Variants in KIRREL3 observed in about 807,000 individuals in gnomAD.
KIRREL3 encodes kin of IRRE-like protein 3.
KIRREL3 carries 36 observed loss-of-function variants against 89.7 expected under a neutral mutation model. That is an observed-to-expected ratio of 0.40 (90% CI 0.31 to 0.53). The LOEUF (loss-of-function observed/expected upper bound fraction) is 0.53, where lower values mean the gene tolerates loss of function less well. Among genes scored for constraint, KIRREL3 ranks in the 20% least tolerant of loss-of-function variants. KIRREL3 has a pLI of 0.49. For synonymous variants in KIRREL3, 445 were observed against 441.4 expected (o/e 1.01, Z -0.10); for missense variants, 864 against 1,056.6 (o/e 0.82, Z 2.53).
chr11:126,439,996 A>G (rs1037987610), intron 11 of KIRREL3, among the ~76,000 whole-genome samples: 1 of 152,084 alleles, frequency 6.6e-6, no homozygotes, highest in Non-Finnish European at 1.5e-5. Context: ...ATTGATAGGC[A>G]ACAGGGCAGG....
rs562520694 is a variant in KIRREL3 at position 126,989,895 on chromosome 11, C to T, written c.55+10560G>A. Reference sequence around the variant, plus strand: ...TGTTGTTGGAAATTAGTAATACCATCCAGAGGTGAAAACAGAGTAGCACCT... The same window carrying T: ...TGTTGTTGGAAATTAGTAATACCATTCAGAGGTGAAAACAGAGTAGCACCT... On this transcript the variant is annotated intron_variant, in intron 1 of 16. Transcript: ENST00000525144. The surrounding 1 kb of genome is among the most constrained non-coding windows in gnomAD (Gnocchi z 6.2). 1.3e-5 allele frequency among the ~76,000 whole-genome samples: 2 copies of T among 152,302 alleles called. No individual in the cohort carries two copies. The highest frequency in any genetic ancestry group is 1.3e-4 in the Admixed American group (2 of 15,302).
At chr11:126,603,652 C>G (rs1040784946) in intron 1 of KIRREL3, among the ~76,000 whole-genome samples, 3 of 152,268 alleles carry the variant, frequency 2.0e-5, no homozygotes, top group African/African-American at 7.2e-5. Flanking sequence ...GTGCCCAGCG[C>G]TGCTGCATCT....
At chr11:126,849,078 T>G (rs1337081901) in intron 1 of KIRREL3, among the ~76,000 whole-genome samples, 3 of 152,150 alleles carry the variant, frequency 2.0e-5, no homozygotes, top group African/African-American at 7.2e-5. Context: ...GCATTCTTAA[T>G]CACAGAGTGA....
intron 16 of KIRREL3, among the ~76,000 whole-genome samples, 188 bp downstream of exon 16, chr11:126,425,450 T>C (rs567610681): frequency 2.0e-5 from 3 of 152,318 alleles, no homozygotes; most frequent in African/African-American, 7.2e-5. Flanking sequence ...CTTAGCTCTC[T>C]CAGCCTCCTC....
chr11:126,786,426 G>A (rs978287265), intron 1 of KIRREL3, among the ~76,000 whole-genome samples: 1 of 151,950 alleles, frequency 6.6e-6, no homozygotes, highest in African/African-American at 2.4e-5. Context: ...TTTTAAATGT[G>A]TTAATTCCTG....
chr11:126,972,593 C>T (rs570575084), intron 1 of KIRREL3, among the ~76,000 whole-genome samples: 6 of 152,302 alleles, frequency 3.9e-5, no homozygotes, highest in African/African-American at 9.6e-5. Context: ...ATTCTGACCA[C>T]GGTCTGGGAT....
At position 126,795,527 on chromosome 11, in the gene KIRREL3, A is replaced by C. The variant is rs1369395381; in HGVS notation, c.55+204928T>G. On this transcript the variant is annotated intron_variant, in intron 1 of 16. Transcript: ENST00000525144. This position sits in a 1 kb window ranked among gnomAD's most constrained non-coding sequence, Gnocchi z 4.1. Reference sequence around the variant, plus strand: ...TAGGACTACAGGCGTGTGCCACCACACCTGGCTAATTTTTTTAAAATATAT... The same window carrying C: ...TAGGACTACAGGCGTGTGCCACCACCCCTGGCTAATTTTTTTAAAATATAT... Among the ~76,000 whole-genome samples the C allele has an allele frequency of 1.3e-5, 2 of 151,944 alleles. No homozygotes were observed. The highest frequency in any genetic ancestry group is 3.9e-4 in the East Asian group (2 of 5,164).
In KIRREL3 at chr11:126,611,201, A is replaced by G. The variant is rs895930917; in HGVS notation, c.56-48289T>C. On this transcript the variant is annotated intron_variant, in intron 1 of 16. Transcript: ENST00000525144. This position sits in a 1 kb window ranked among gnomAD's most constrained non-coding sequence, Gnocchi z 4.7. Reference sequence around the variant, plus strand: ...AGAAAAAGGATCGTGGGGAAATGAAACGAGAGAATACATGTAACGTTCTTG... The same window carrying G: ...AGAAAAAGGATCGTGGGGAAATGAAGCGAGAGAATACATGTAACGTTCTTG... Among the ~76,000 whole-genome samples, 8 of 152,188 alleles carry G rather than the reference A, an allele frequency of 5.3e-5. No homozygotes were observed. The highest frequency in any genetic ancestry group is 1.9e-4 in the African/African-American group (8 of 41,456).
In KIRREL3 at chr11:126,761,756, T is replaced by C. The variant is rs1949671665; in HGVS notation, c.56-198844A>G. On this transcript the variant is annotated intron_variant, in intron 1 of 16. Transcript: ENST00000525144. The surrounding 1 kb of genome is among the most constrained non-coding windows in gnomAD (Gnocchi z 4.4). ...GCCCCTGGGGGCTAGAGAAGAGTTA[T>C]GAGCTGCACTAGTTTGTCTTGGTTT... is the stretch of plus-strand genomic sequence containing the variant. 6.6e-6 allele frequency among the ~76,000 whole-genome samples: 1 copy of C among 152,246 alleles called. No homozygotes were observed. Among genetic ancestry groups the C allele is most frequent in the South Asian group, 2.1e-4 (1 of 4,830 alleles).
intron 1 of KIRREL3, among the ~76,000 whole-genome samples, chr11:126,649,777 T>C (rs1944837511): frequency 6.6e-6 from 1 of 152,176 alleles, no homozygotes; most frequent in East Asian, 1.9e-4. Context: ...TTCTGGGATC[T>C]GGAGGGCGAT....
chr11:126,690,396 T>C, intron 1 of KIRREL3, among the ~76,000 whole-genome samples: 1 of 151,026 alleles, frequency 6.6e-6, no homozygotes, highest in South Asian at 2.1e-4. Flanking sequence ...TTCAGAGCAG[T>C]TTTAGGGCAA....
rs200167388 is a variant in KIRREL3, at chr11:126,509,011, G to C, written c.433+12304C>G. 1.7e-4 allele frequency among the ~76,000 whole-genome samples: 26 copies of C among 152,284 alleles called. No homozygotes were observed. In the East Asian group the frequency reaches 4.2e-3, roughly 25 times the overall value. On this transcript the variant is annotated intron_variant, in intron 4 of 16. Transcript: ENST00000525144. ...TCCCTGCCTAGTGGGGCACATGCAG[G>C]GTGCAGCTCCCGGAGTCTGGGACCA... is the stretch of plus-strand genomic sequence containing the variant.
rs1307352977 is a variant in KIRREL3, at chr11:126,954,529, C to G, written c.55+45926G>C. On this transcript the variant is annotated intron_variant, in intron 1 of 16. Coordinates refer to ENST00000525144, the MANE Select transcript of KIRREL3 (RefSeq NM_032531.4). This position sits in a 1 kb window ranked among gnomAD's most constrained non-coding sequence, Gnocchi z 4.1. ...CTCCTCCCCATCCCCTCGTCCTCCT[C>G]TAGGCCTTTATCCAAGCTGGGTAGA... 6.6e-6 allele frequency among the ~76,000 whole-genome samples: 1 copy of G among 151,942 alleles called. No homozygotes were observed. Among genetic ancestry groups the G allele is most frequent in the Admixed American group, 6.6e-5 (1 of 15,258 alleles).
At chr11:126,625,948 G>A (rs951172421) in intron 1 of KIRREL3, among the ~76,000 whole-genome samples, 1 of 152,174 alleles carries the variant, frequency 6.6e-6, no homozygotes, top group African/African-American at 2.4e-5. Context: ...GTATCTTCCT[G>A]CATTGGAATT....
chr11:126,450,017 T>C (rs951368854), intron 7 of KIRREL3, among the ~76,000 whole-genome samples: 2 of 152,126 alleles, frequency 1.3e-5, no homozygotes, highest in African/African-American at 4.8e-5. Flanking sequence ...TACCACACAA[T>C]AGGGGAGGAC....
At chr11:126,671,390 C>T (rs1945940938) in intron 1 of KIRREL3, among the ~76,000 whole-genome samples, 1 of 152,066 alleles carries the variant, frequency 6.6e-6, no homozygotes, top group Non-Finnish European at 1.5e-5. Flanking sequence ...TTAGATATTA[C>T]ACCAAATGCA....
intron 1 of KIRREL3, among the ~76,000 whole-genome samples, chr11:126,749,917 G>C (rs2134241705): frequency 6.6e-6 from 1 of 152,302 alleles, no homozygotes; most frequent in South Asian, 2.1e-4. Context: ...AATCAGGGCT[G>C]TGTAGAGAAA....
intron 1 of KIRREL3, among the ~76,000 whole-genome samples, chr11:126,712,293 G>T (rs1395242986): frequency 6.6e-6 from 1 of 152,018 alleles, no homozygotes; most frequent in Non-Finnish European, 1.5e-5. Context: ...GTGCGCGCGT[G>T]CATGCATTTT....
chr11:126,948,132 C>T lies in KIRREL3; in HGVS notation c.55+52323G>A, dbSNP rs1381076070. 6.6e-6 allele frequency among the ~76,000 whole-genome samples: 1 copy of T among 152,114 alleles called. No homozygotes were observed. The highest frequency in any genetic ancestry group is 1.5e-5 in the Non-Finnish European group (1 of 68,016). Reference sequence around the variant, plus strand: ...CGTGTAATTGATTTTCTATCCATTGCCTAGTGGTTAACCCTCAATAAATGC... The same window carrying T: ...CGTGTAATTGATTTTCTATCCATTGTCTAGTGGTTAACCCTCAATAAATGC... On this transcript the variant is annotated intron_variant, in intron 1 of 16. Coordinates refer to ENST00000525144, the MANE Select transcript of KIRREL3 (RefSeq NM_032531.4). The surrounding 1 kb of genome is among the most constrained non-coding windows in gnomAD (Gnocchi z 4.5).
Sources: gnomAD v4.1 joint callset for allele counts (sites outside exome capture counted in the v4.1 genomes callset) on GRCh38, gnomAD v4.1.1 for gene constraint, Gnocchi (gnomAD v3.1) non-coding constraint, MANE v1.5 for transcripts, NCBI Gene and HGNC (gene_info 2026-07-23, HGNC 2026-07-21) for gene names.